BIN2: variants seen among roughly 807,000 people sequenced by gnomAD.
BIN2 encodes the protein breast cancer associated protein BRAP1.
In BIN2, 43 loss-of-function variants were observed where a neutral mutation model predicts 67.9. The observed-to-expected ratio is 0.63, with a 90% CI of 0.50 to 0.82. BIN2 has a LOEUF of 0.82. Ranked by LOEUF, BIN2 falls within the 40% of genes least tolerant of loss-of-function variation. The probability of loss-of-function intolerance (pLI) is 0.00; values close to 1 mark genes in which losing one functional copy is unlikely to be tolerated. For missense variants in BIN2, 581 were observed against 671.6 expected (o/e 0.87, Z 1.49); for synonymous variants, 244 against 246.8 (o/e 0.99, Z 0.11).
chr12:51,317,957 C>CG (rs879904587), intron 1 of BIN2, among the ~76,000 whole-genome samples: 4 of 151,694 alleles, frequency 2.6e-5, no homozygotes, highest in Non-Finnish European at 5.9e-5. Context: ...CACCGCAGTC[C>CG]GGCCTAGGCA....
In BIN2 at chr12:51,295,630, A is replaced by T. The variant is rs1290412168; in HGVS notation, c.761+166T>A. Among the ~76,000 whole-genome samples the T allele has an allele frequency of 4.6e-5, 6 of 130,706 alleles. 1 individual carries two copies. Among genetic ancestry groups the T allele is most frequent in the South Asian group, 4.8e-4 (2 of 4,146 alleles). 85.7% of individuals were successfully genotyped at this position (130,706 alleles called of 152,430 possible). A position where few individuals can be genotyped will look rare whatever the true frequency, so the allele number is the denominator to read the frequency against. ...TATATATATATATATATATATATAT[A>T]TTTAGTAAAAAGCAAAATAATTTAT... On this transcript the variant is annotated intron_variant, in intron 9 of 12. Transcript: ENST00000615107.
chr12:51,299,793 G>C, intron 5 of BIN2, 79 bp from the exon 6 acceptor site: 2 of 1,220,880 alleles, frequency 1.6e-6, no homozygotes, highest in South Asian at 2.5e-5. Flanking sequence ...ACCAAACAGA[G>C]AGCAAGATTC....
chr12:51,288,455 CT>C (rs1402014402), intron 10 of BIN2, among the ~76,000 whole-genome samples: 4 of 152,324 alleles, frequency 2.6e-5, no homozygotes, highest in African/African-American at 7.2e-5. Context: ...TGCAACTCAG[CT>C]CCCACTCCCT....
intron 7 of BIN2, 106 bp from the exon 8 acceptor site, chr12:51,297,270 C>T (rs1043203474): frequency 1.3e-5 from 15 of 1,144,474 alleles, no homozygotes; most frequent in Middle Eastern, 2.0e-4. Flanking sequence ...ACCAAGGCTC[C>T]TAAATGAAAG....
chr12:51,302,559 C>T, intron 4 of BIN2, 127 bp downstream of exon 4: 2 of 783,480 alleles, frequency 2.6e-6, no homozygotes, highest in Non-Finnish European at 4.3e-6. Flanking sequence ...GTGACTGAGG[C>T]TACACAAATG....
chr12:51,316,579 A>C (rs888135573), intron 1 of BIN2, among the ~76,000 whole-genome samples: 1 of 152,172 alleles, frequency 6.6e-6, no homozygotes, highest in Admixed American at 6.6e-5. Flanking sequence ...AGGCTACATT[A>C]AGCTTCACTT....
chr12:51,299,416 C>T, intron 6 of BIN2, 128 bp from the exon 7 acceptor site: 1 of 1,019,082 alleles, frequency 9.8e-7, no homozygotes. Context: ...TTCCCCTGAC[C>T]ATGCCCTCCC....
chr12:51,310,177 A>G (rs953535700), intron 2 of BIN2, among the ~76,000 whole-genome samples: 1 of 152,200 alleles, frequency 6.6e-6, no homozygotes, highest in African/African-American at 2.4e-5. Flanking sequence ...AAAAACCTGA[A>G]TCTCATCAAG....
intron 8 of BIN2, 89 bp from the exon 9 acceptor site, chr12:51,295,967 C>CA: frequency 1.0e-6 from 1 of 979,576 alleles, no homozygotes; most frequent in Non-Finnish European, 1.6e-6. Context: ...GACAGCTTCC[C>CA]AAAATAAAAC....
chr12:51,315,319 C>T lies in BIN2; in HGVS notation c.82-1416G>A, dbSNP rs60823403. On this transcript the variant is annotated intron_variant, in intron 1 of 12. Transcript: ENST00000615107. ...CGATTAGCTTCGGACTACAGGCGCC[C>T]GCCACTATGCCTGACTAAGTTTTTT... Among the ~76,000 whole-genome samples the T allele has an allele frequency of 1.1e-4, 16 of 152,246 alleles. No individual in the cohort carries two copies. In the East Asian group the frequency reaches 2.7e-3, roughly 26 times the overall value.
At position 51,281,312 on chromosome 12, in the gene BIN2, C is replaced by T; in HGVS notation, c.*187G>A. On this transcript the variant is annotated 3_prime_UTR_variant, in exon 13 of 13. Transcript: ENST00000615107. ...CTAATGTTCTCTTCTCCCCAGCCTG[C>T]CTCCCTCCATCCCTCCCGTAAGGCT... The T allele has an allele frequency of 1.6e-6, 1 of 616,146 alleles. No homozygotes were observed. Among genetic ancestry groups the T allele is most frequent in the South Asian group, 2.0e-5 (1 of 48,920 alleles). The allele number at this position is 616,146 out of a possible 1,614,324, so 38.2% of individuals were successfully genotyped here.
rs1431207170 is a variant in BIN2 at position 51,295,891 on chromosome 12, A to G, written c.679-13T>C. 6.2e-7 allele frequency: 1 copy of G among 1,610,346 alleles called. No individual in the cohort carries two copies. Among genetic ancestry groups the G allele is most frequent in the Non-Finnish European group, 8.5e-7 (1 of 1,177,522 alleles). ...GATTGTGGTTCAGCTAGAGCCAATAAGAAAGAAGGGGATGCTAGCCAACTG... is the reference window on the plus strand; with the variant it reads ...GATTGTGGTTCAGCTAGAGCCAATAGGAAAGAAGGGGATGCTAGCCAACTG... On this transcript the variant is annotated splice_polypyrimidine_tract_variant and intron_variant, in intron 8 of 12. Transcript: ENST00000615107.
rs1394254714 is a variant in BIN2, at chr12:51,292,001, A to T, written c.1105T>A (p.Ser369Thr). ...GAAGGGCTCAGGGCTCCGCCTGGTGATGGAGTTGTGGAGCTGGGGAGAACT... is the reference window on the plus strand; with the variant it reads ...GAAGGGCTCAGGGCTCCGCCTGGTGTTGGAGTTGTGGAGCTGGGGAGAACT... ...EEVLPSSTTPSPGGALSPSGQ... is the reference protein window; with the variant it reads ...EEVLPSSTTPTPGGALSPSGQ... The change falls in exon 10 of 13, where the codon TCA becomes ACA. Residue 369 changes from serine (S) to threonine (T), a missense_variant. Coordinates refer to ENST00000615107, the MANE Select transcript of BIN2 (RefSeq NM_016293.4). The T allele has an allele frequency of 1.2e-6, 2 of 1,614,128 alleles. No homozygotes were observed. Among genetic ancestry groups the T allele is most frequent in the Admixed American group, 1.7e-5 (1 of 60,008 alleles).
intron 9 of BIN2, among the ~76,000 whole-genome samples, chr12:51,295,444 TC>T (rs1375127220): frequency 2.6e-4 from 38 of 145,672 alleles, no homozygotes; most frequent in Admixed American, 1.4e-4. Context: ...GCGCCTGTAG[TC>T]CCAGCTACTC....
rs561589573 is a variant in BIN2 at position 51,281,305 on chromosome 12, C to T, written c.*194G>A. ...CCTGAGTCTAATGTTCTCTTCTCCCCAGCCTGCCTCCCTCCATCCCTCCCG... is the reference window on the plus strand; with the variant it reads ...CCTGAGTCTAATGTTCTCTTCTCCCTAGCCTGCCTCCCTCCATCCCTCCCG... On this transcript the variant is annotated 3_prime_UTR_variant, in exon 13 of 13. Transcript: ENST00000615107. 11 of 610,390 alleles carry T rather than the reference C, an allele frequency of 1.8e-5. No homozygotes were observed. In the African/African-American group the frequency reaches 1.8e-4, roughly 10 times the overall value. The allele number at this position is 610,390 out of a possible 1,614,324, so 37.8% of individuals were successfully genotyped here.
At position 51,297,114 on chromosome 12, in the gene BIN2, T is replaced by A. The variant is rs1455409057; in HGVS notation, c.653A>T (p.Asp218Val). The change falls in exon 8 of 13, where the codon GAT becomes GTT. Residue 218 changes from aspartate to valine, a missense_variant. Asp to Val is a radical substitution (Grantham distance 152). Coordinates refer to ENST00000615107, the MANE Select transcript of BIN2 (RefSeq NM_016293.4). ...TIFQNISNLR[D>V]VFYREMSKLN... ...CTTGCTCATTTCCCTGTAGAAGACATCCCTCAAGTTGGAAATGTTTTGGAA... is the reference window on the plus strand; with the variant it reads ...CTTGCTCATTTCCCTGTAGAAGACAACCCTCAAGTTGGAAATGTTTTGGAA... The A allele has an allele frequency of 5.6e-6, 9 of 1,613,870 alleles. No homozygotes were observed. Among genetic ancestry groups the A allele is most frequent in the Admixed American group, 1.7e-5 (1 of 59,978 alleles).
At chr12:51,314,306 G>A (rs1372437700) in intron 1 of BIN2, among the ~76,000 whole-genome samples, 1 of 151,602 alleles carries the variant, frequency 6.6e-6, no homozygotes, top group Non-Finnish European at 1.5e-5. Context: ...CCTTGGCCTC[G>A]CAAAGTGCTG....
intron 2 of BIN2, among the ~76,000 whole-genome samples, chr12:51,313,608 T>C (rs1946052456): frequency 6.6e-6 from 1 of 152,096 alleles, no homozygotes; most frequent in Admixed American, 6.6e-5. Flanking sequence ...CCCAAAGTGT[T>C]GGGATTATAG....
chr12:51,324,155 G>A lies in BIN2; in HGVS notation c.-53C>T. 2 of 1,602,120 alleles carry A rather than the reference G, an allele frequency of 1.2e-6. No homozygotes were observed. Among genetic ancestry groups the A allele is most frequent in the South Asian group, 1.1e-5 (1 of 90,178 alleles). ...CTGGCCCCGCGCCCTGTGGTTTTCT[G>A]AGGCCCCCGAGGAGGAAGTGCGGGC... On this transcript the variant is annotated 5_prime_UTR_variant, in exon 1 of 13. Transcript: ENST00000615107.
Sources: allele counts gnomAD v4.1 joint callset (sites outside exome capture counted in the v4.1 genomes callset), GRCh38; gene constraint gnomAD v4.1.1; transcripts MANE v1.5; gene names NCBI Gene and HGNC (gene_info 2026-07-23, HGNC 2026-07-21).